Variants in XKR9 observed in about 807,000 individuals in gnomAD.
The protein encoded by XKR9 is XK related 9, also known as XK-related protein 9.
In XKR9, 32 loss-of-function variants were observed where a neutral mutation model predicts 32.0. That is an observed-to-expected ratio of 1.00 (90% CI 0.76 to 1.34). XKR9 has a LOEUF of 1.34. XKR9 is among the 40% of genes most tolerant of loss of function. XKR9 has a pLI of 0.00. For missense variants in XKR9, 546 were observed against 429.7 expected, an observed-to-expected ratio of 1.27 and a Z score of -2.39; for synonymous variants, 168 against 143.4, an observed-to-expected ratio of 1.17 and a Z score of -1.22.
At chr8:70,776,184 A>T (rs1053988628) in intron 2 of XKR9, among the ~76,000 whole-genome samples, 4 of 152,154 alleles carry the variant, frequency 2.6e-5, no homozygotes, top group Non-Finnish European at 5.9e-5. Flanking sequence ...AAGTGAAGTC[A>T]TCTGAGTTTT....
chr8:70,948,069 G>C, the XKR9 span, among the ~76,000 whole-genome samples: 1 of 152,156 alleles, frequency 6.6e-6, no homozygotes, highest in Non-Finnish European at 1.5e-5. Context: ...CTGTCTCTCA[G>C]CCATTAGTGT....
the XKR9 span, among the ~76,000 whole-genome samples, chr8:71,034,185 G>A: frequency 6.6e-6 from 1 of 152,128 alleles, no homozygotes; most frequent in South Asian, 2.1e-4. Context: ...ATACCCATCT[G>A]TTGAAAAAGG....
At chr8:70,989,770 C>T in the XKR9 span, among the ~76,000 whole-genome samples, 2 of 152,122 alleles carry the variant, frequency 1.3e-5, no homozygotes, top group Admixed American at 6.5e-5. Context: ...CAACCCTCAC[C>T]ACTTTCAATT....
chr8:70,733,855 G>A lies in XKR9; in HGVS notation c.553G>A (p.Ala185Thr). ...TTGGTCAACTGTTGATTATCAAGTA[G>A]CTTTAAGAAAATCCTTGCCTGACAA... is the stretch of plus-strand genomic sequence containing the variant. ...ISWSTVDYQV[A>T]LRKSLPDKKL... Residue 185 changes from alanine to threonine, a missense_variant, in exon 5 of 5, where the codon GCT becomes ACT. Coordinates refer to ENST00000408926, the MANE Select transcript of XKR9 (RefSeq NM_001011720.2). The A allele has an allele frequency of 1.2e-6, 2 of 1,608,056 alleles. No homozygotes were observed. The highest frequency in any genetic ancestry group is 1.7e-6 in the Non-Finnish European group (2 of 1,178,392).
chr8:70,901,414 G>C, the XKR9 span, among the ~76,000 whole-genome samples: 15 of 152,166 alleles, frequency 9.9e-5, no homozygotes, highest in Non-Finnish European at 1.3e-4. Flanking sequence ...GGCCAGTGAT[G>C]ATGAGCATTT....
At chr8:70,998,402 T>C in the XKR9 span, among the ~76,000 whole-genome samples, 2 of 152,190 alleles carry the variant, frequency 1.3e-5, no homozygotes, top group Non-Finnish European at 2.9e-5. Flanking sequence ...GCATAGGGAC[T>C]ATCCTTTTAG....
chr8:70,973,053 G>C, the XKR9 span, among the ~76,000 whole-genome samples: 2 of 151,982 alleles, frequency 1.3e-5, no homozygotes, highest in Admixed American at 6.6e-5. Flanking sequence ...CGATGTCTTT[G>C]ACTGTCTGTT....
At chr8:70,696,455 C>A (rs1369384004) in intron 3 of XKR9, among the ~76,000 whole-genome samples, 1 of 151,218 alleles carries the variant, frequency 6.6e-6, no homozygotes, top group African/African-American at 2.4e-5. Flanking sequence ...TTCCCCATTG[C>A]TTGTTTTTGT....
the XKR9 span, among the ~76,000 whole-genome samples, chr8:70,991,280 G>A: frequency 1.2e-4 from 19 of 152,126 alleles, no homozygotes; most frequent in Admixed American, 4.6e-4. Flanking sequence ...GCTTAACTGG[G>A]TCAGTCCTTA....
At chr8:70,755,580 TA>T (rs1221983093) in intron 2 of XKR9, among the ~76,000 whole-genome samples, 2 of 152,006 alleles carry the variant, frequency 1.3e-5, no homozygotes, top group South Asian at 2.1e-4. Flanking sequence ...TATGCAGCCA[TA>T]AAAAATGATG....
At chr8:70,676,325 A>G (rs1818887167) in intron 2 of XKR9, among the ~76,000 whole-genome samples, 1 of 152,212 alleles carries the variant, frequency 6.6e-6, no homozygotes, top group Admixed American at 6.5e-5. Flanking sequence ...ATTACAATTC[A>G]ACATGAGATT....
intron 2 of XKR9, among the ~76,000 whole-genome samples, chr8:70,776,811 C>A (rs1438092377): frequency 6.6e-6 from 1 of 151,648 alleles, no homozygotes; most frequent in Non-Finnish European, 1.5e-5. Context: ...TATAATTTTA[C>A]TGATGCCTTT....
chr8:70,940,304 T>G, the XKR9 span, among the ~76,000 whole-genome samples: 2 of 152,058 alleles, frequency 1.3e-5, no homozygotes, highest in African/African-American at 4.8e-5. Flanking sequence ...CTACTACTGA[T>G]GTCTTAAATA....
At chr8:70,849,881 A>C in the XKR9 span, among the ~76,000 whole-genome samples, 6 of 152,148 alleles carry the variant, frequency 3.9e-5, no homozygotes, top group Non-Finnish European at 8.8e-5. Flanking sequence ...GAAATGGATA[A>C]ATTTCTGGAC....
At chr8:70,826,782 A>C in the XKR9 span, among the ~76,000 whole-genome samples, 1 of 152,198 alleles carries the variant, frequency 6.6e-6, no homozygotes, top group Non-Finnish European at 1.5e-5. Context: ...CGATGAACTC[A>C]TTTTAAAATA....
chr8:70,752,735 C>T (rs1230533720), intron 2 of XKR9, among the ~76,000 whole-genome samples: 1 of 152,106 alleles, frequency 6.6e-6, no homozygotes, highest in Non-Finnish European at 1.5e-5. Flanking sequence ...AAAGACACAA[C>T]ATACCAGAAT....
chr8:70,822,933 A>G, the XKR9 span, among the ~76,000 whole-genome samples: 1 of 152,214 alleles, frequency 6.6e-6, no homozygotes, highest in African/African-American at 2.4e-5. Context: ...AGTCAAGAAT[A>G]TAAAACACCA....
At chr8:71,025,633 C>T in the XKR9 span, among the ~76,000 whole-genome samples, 3 of 152,152 alleles carry the variant, frequency 2.0e-5, no homozygotes, top group Admixed American at 2.0e-4. Context: ...GTCCAAGGCT[C>T]CCTGATGGAG....
chr8:70,739,167 A>T (rs181843288), downstream of XKR9, among the ~76,000 whole-genome samples: 173 of 152,160 alleles, frequency 1.1e-3, 1 homozygote, highest in African/African-American at 4.0e-3. Flanking sequence ...TTGGGTGTAT[A>T]TATATTTAGG....
Sources: gnomAD v4.1 joint callset for allele counts (sites outside exome capture counted in the v4.1 genomes callset) on GRCh38, gnomAD v4.1.1 for gene constraint, MANE v1.5 for transcripts, NCBI Gene and HGNC (gene_info 2026-07-23, HGNC 2026-07-21) for gene names.